Variants in KIAA1217 observed in about 807,000 individuals in gnomAD.
KIAA1217 encodes sickle tail protein homolog.
A neutral mutation model predicts 163.9 loss-of-function variants in KIAA1217; 88 were observed. The ratio of observed to expected loss-of-function variants is 0.54; its 90% confidence interval spans 0.45 to 0.64. The LOEUF (loss-of-function observed/expected upper bound fraction) is 0.64, where lower values mean the gene tolerates loss of function less well. KIAA1217 is among the 30% of genes least tolerant of loss of function. The pLI is 0.00. For synonymous variants in KIAA1217, 903 were observed against 923.1 expected (o/e 0.98, Z 0.39); for missense variants, 2,372 against 2,475.0 (o/e 0.96, Z 0.88).
chr10:23,886,678 T>A (rs1013480546), intron 1 of KIAA1217, among the ~76,000 whole-genome samples: 1 of 152,026 alleles, frequency 6.6e-6, no homozygotes, highest in African/African-American at 2.4e-5. Flanking sequence ...TTTGCATGTG[T>A]GCATTCTCTT....
At chr10:24,383,743 G>A (rs1031395156) in intron 3 of KIAA1217, among the ~76,000 whole-genome samples, 1 of 152,202 alleles carries the variant, frequency 6.6e-6, no homozygotes, top group Non-Finnish European at 1.5e-5. Context: ...TCTGGTTCCA[G>A]AAAATGAGGC....
chr10:24,419,866 C>T (rs868688441), intron 3 of KIAA1217, among the ~76,000 whole-genome samples: 1 of 151,954 alleles, frequency 6.6e-6, no homozygotes, highest in Admixed American at 6.6e-5. Flanking sequence ...TCATACTGCA[C>T]GTATCCTTTT....
At chr10:24,112,741 T>G (rs950723862) in intron 2 of KIAA1217, among the ~76,000 whole-genome samples, 1 of 151,684 alleles carries the variant, frequency 6.6e-6, no homozygotes, top group Non-Finnish European at 1.5e-5. Flanking sequence ...CTCGCCCCCA[T>G]GCCCGGCCAA....
intron 2 of KIAA1217, among the ~76,000 whole-genome samples, chr10:24,230,493 A>ATTTTTT (rs2071225403): frequency 1.1e-5 from 1 of 89,064 alleles, no homozygotes; most frequent in African/African-American, 4.3e-5. Context: ...AGGCACTACT[A>ATTTTTT]TTTGTTTTGT....
intron 2 of KIAA1217, among the ~76,000 whole-genome samples, chr10:24,240,352 G>A (rs2072919095): frequency 6.6e-6 from 1 of 152,198 alleles, no homozygotes; most frequent in Non-Finnish European, 1.5e-5. Context: ...ATGGGAATTT[G>A]GACTTTTGAA....
chr10:23,761,843 A>G (rs1352181022), intron 1 of KIAA1217, among the ~76,000 whole-genome samples: 1 of 152,136 alleles, frequency 6.6e-6, no homozygotes, highest in African/African-American at 2.4e-5. Context: ...TGTTAAATTA[A>G]CAAAATAGAT....
chr10:24,203,716 C>T (rs979058101), intron 2 of KIAA1217, among the ~76,000 whole-genome samples: 6 of 152,234 alleles, frequency 3.9e-5, no homozygotes, highest in African/African-American at 1.4e-4. Flanking sequence ...AACCCAGGTG[C>T]TTGTATCTGT....
chr10:23,855,632 G>A (rs576035193), intron 1 of KIAA1217, among the ~76,000 whole-genome samples: 507 of 152,254 alleles, frequency 3.3e-3, no homozygotes, highest in African/African-American at 0.011. Flanking sequence ...CATTCTCCCC[G>A]TCACTTTCAG....
rs373016884 is a variant in KIAA1217, at chr10:23,852,446, G to T, written c.-320-154779G>T. On this transcript the variant is annotated intron_variant, in intron 1 of 18. Transcript: ENST00000376462. ...TGTAGTATAGTTTGAAGTCAGGTAGGGTGATGCCTCCAGCTTTGTTCTTTT... is the reference window on the plus strand; with the variant it reads ...TGTAGTATAGTTTGAAGTCAGGTAGTGTGATGCCTCCAGCTTTGTTCTTTT... Among the ~76,000 whole-genome samples, 6 of 152,048 alleles carry T rather than the reference G, an allele frequency of 3.9e-5. No homozygotes were observed. In the East Asian group the frequency reaches 7.7e-4, roughly 20 times the overall value.
At chr10:24,210,605 A>G (rs2067958182) in intron 1 of KIAA1217, among the ~76,000 whole-genome samples, 1 of 152,180 alleles carries the variant, frequency 6.6e-6, no homozygotes, top group Non-Finnish European at 1.5e-5. Context: ...TCCAACAATC[A>G]GGGCAATTCA....
At chr10:23,946,555 C>G (rs1177672146) in intron 1 of KIAA1217, among the ~76,000 whole-genome samples, 1 of 152,088 alleles carries the variant, frequency 6.6e-6, no homozygotes, top group African/African-American at 2.4e-5. Flanking sequence ...TCTTTACCTT[C>G]CAGAGAAATT....
At chr10:24,348,916 G>T (rs1047985856) in intron 2 of KIAA1217, among the ~76,000 whole-genome samples, 1 of 152,256 alleles carries the variant, frequency 6.6e-6, no homozygotes, top group Non-Finnish European at 1.5e-5. Flanking sequence ...GGAAGCCAAG[G>T]TAGGAAGATC....
chr10:24,138,112 A>C (rs997348533), intron 2 of KIAA1217, among the ~76,000 whole-genome samples: 1 of 152,096 alleles, frequency 6.6e-6, no homozygotes, highest in Non-Finnish European at 1.5e-5. Flanking sequence ...TTTCTTCTGG[A>C]CTTTTGGTTT....
chr10:23,700,570 T>C (rs1386511323), intron 1 of KIAA1217, among the ~76,000 whole-genome samples: 1 of 152,094 alleles, frequency 6.6e-6, no homozygotes, highest in Non-Finnish European at 1.5e-5. Flanking sequence ...GACTTTCTGA[T>C]TTCTCTACAA....
intron 2 of KIAA1217, among the ~76,000 whole-genome samples, chr10:24,290,802 A>G (rs908145970): frequency 6.6e-6 from 1 of 152,008 alleles, no homozygotes; most frequent in Non-Finnish European, 1.5e-5. Flanking sequence ...GGGTTTCACC[A>G]TGTTGGCTAG....
rs1332557874 is a variant in KIAA1217, at chr10:24,063,274, T to C, written c.-171+55900T>C. 5.3e-5 allele frequency among the ~76,000 whole-genome samples: 8 copies of C among 152,334 alleles called. No individual in the cohort carries two copies. In the South Asian group the frequency reaches 8.3e-4, roughly 16 times the overall value. ...CTTCTAGGGTTTTTATGGTTTTAGG[T>C]CTAACATGTAAGTTTTTAATCCATG... On this transcript the variant is annotated intron_variant, in intron 2 of 18. Coordinates refer to the KIAA1217 transcript ENST00000376462.
intron 2 of KIAA1217, among the ~76,000 whole-genome samples, chr10:24,365,877 AAT>A (rs2050714383): frequency 1.3e-5 from 2 of 152,198 alleles, no homozygotes; most frequent in South Asian, 4.1e-4. Flanking sequence ...AGTTCTAAGT[AAT>A]ATACACACAT....
intron 9 of KIAA1217, 136 bp downstream of exon 9, chr10:24,501,681 C>T (rs558696003): frequency 1.8e-6 from 1 of 571,058 alleles, no homozygotes; most frequent in African/African-American, 1.9e-5. Flanking sequence ...CACACACAAT[C>T]CAAGTCTAGA....
In KIAA1217 at chr10:24,110,491, G is replaced by A. The variant is rs189808731; in HGVS notation, c.-171+103117G>A. ...TTGAGTGGTGAAATGAAATGTTGCA[G>A]TTATGTGGCTACAGAAGAAAAATGT... On this transcript the variant is annotated intron_variant, in intron 2 of 18. Coordinates refer to the KIAA1217 transcript ENST00000376462. 6.6e-5 allele frequency among the ~76,000 whole-genome samples: 10 copies of A among 151,966 alleles called. No individual in the cohort carries two copies. The East Asian group carries it at 1.9e-3, about 29-fold the overall frequency.
Sources: gnomAD v4.1 joint callset for allele counts (sites outside exome capture counted in the v4.1 genomes callset) on GRCh38, gnomAD v4.1.1 for gene constraint, MANE v1.5 for transcripts, NCBI Gene and HGNC (gene_info 2026-07-23, HGNC 2026-07-21) for gene names.